The following MBD5 variants were observed in gnomAD, a reference collection of about 807,000 sequenced individuals.
The protein encoded by MBD5 is methyl-CpG-binding domain protein 5.
Under a neutral mutation model 117.3 loss-of-function variants are expected in MBD5, and 13 were observed. That is an observed-to-expected ratio of 0.11 (90% confidence interval 0.07 to 0.18). MBD5 has a LOEUF of 0.18. Among genes scored for constraint, MBD5 ranks in the 10% least tolerant of loss-of-function variants. MBD5 has a pLI of 1.00. For missense variants in MBD5, 1,879 were observed against 2,093.8 expected (o/e 0.90, Z 2.00); for synonymous variants, 727 against 766.4 (o/e 0.95, Z 0.85).
chr2:148,305,305 G>C (rs950679828), intron 3 of MBD5, among the ~76,000 whole-genome samples: 25 of 152,160 alleles, frequency 1.6e-4, no homozygotes, highest in African/African-American at 5.8e-4. Flanking sequence ...AAGGAAAGAA[G>C]AGTCAATCTT....
At chr2:148,475,854 G>A (rs935252891) in intron 8 of MBD5, among the ~76,000 whole-genome samples, 1 of 152,102 alleles carries the variant, frequency 6.6e-6, no homozygotes, top group South Asian at 2.1e-4. Flanking sequence ...TTTCATGCAT[G>A]TAGTACTAAA....
At chr2:148,424,831 A>G (rs1432695717) in intron 4 of MBD5, among the ~76,000 whole-genome samples, 1 of 152,208 alleles carries the variant, frequency 6.6e-6, no homozygotes, top group Non-Finnish European at 1.5e-5. Context: ...GTTCCTTGAA[A>G]CCAATGGGAA....
chr2:148,153,170 A>G (rs1697740402), intron 1 of MBD5, among the ~76,000 whole-genome samples: 1 of 151,302 alleles, frequency 6.6e-6, no homozygotes, highest in East Asian at 2.0e-4. Context: ...GCTTGTCTGT[A>G]AAGTATTTTA....
chr2:148,255,144 C>T (rs542776626), intron 3 of MBD5, among the ~76,000 whole-genome samples: 1 of 152,342 alleles, frequency 6.6e-6, no homozygotes, highest in South Asian at 2.1e-4. Context: ...GTCAAAACGA[C>T]AGAGCAGGCA....
chr2:148,303,433 T>C (rs533665408), intron 3 of MBD5, among the ~76,000 whole-genome samples: 2 of 152,226 alleles, frequency 1.3e-5, no homozygotes, highest in East Asian at 1.9e-4. Flanking sequence ...AGGGGAAGTA[T>C]TGGAGGTTAA....
intron 6 of MBD5, 26 bp from the exon 7 acceptor site, chr2:148,463,713 C>A: frequency 6.2e-7 from 1 of 1,612,166 alleles, no homozygotes; most frequent in Non-Finnish European, 8.5e-7. Context: ...CAGACATATT[C>A]TAAACAAAGG....
intron 4 of MBD5, among the ~76,000 whole-genome samples, chr2:148,421,513 C>T (rs1010535641): frequency 3.3e-5 from 5 of 151,836 alleles, no homozygotes; most frequent in Non-Finnish European, 7.4e-5. Flanking sequence ...TGGGCAGACA[C>T]GAAGCTAGCT....
intron 2 of MBD5, among the ~76,000 whole-genome samples, chr2:148,227,545 C>A (rs1048253857): frequency 1.4e-4 from 21 of 152,110 alleles, no homozygotes; most frequent in African/African-American, 4.6e-4. Context: ...AGTCAGGTAG[C>A]ATGATGCCTC....
At chr2:148,148,804 C>T (rs1697547684) in intron 1 of MBD5, among the ~76,000 whole-genome samples, 1 of 152,084 alleles carries the variant, frequency 6.6e-6, no homozygotes, top group Non-Finnish European at 1.5e-5. Flanking sequence ...CAGAGACAGC[C>T]CCTAATTTAG....
chr2:148,251,916 A>G (rs557994352), intron 3 of MBD5, among the ~76,000 whole-genome samples: 6 of 152,268 alleles, frequency 3.9e-5, no homozygotes, highest in African/African-American at 1.2e-4. Context: ...TATTAGATAA[A>G]TGAGTACATT....
At position 148,477,789 on chromosome 2, in the gene MBD5, A is replaced by T. The variant is rs566812084; in HGVS notation, c.2519-5321A>T. On this transcript the variant is annotated intron_variant, in intron 8 of 13. Transcript: ENST00000642680. ...GTACACTTACCAAAGCAAATGATAAAGGTCAGATGGTGAAGGCATACACAT... is the reference window on the plus strand; with the variant it reads ...GTACACTTACCAAAGCAAATGATAATGGTCAGATGGTGAAGGCATACACAT... Among the ~76,000 whole-genome samples, 11 of 152,296 alleles carry T rather than the reference A, an allele frequency of 7.2e-5. No individual in the cohort carries two copies. The South Asian group carries it at 2.3e-3, about 32-fold the overall frequency.
At position 148,021,391 on chromosome 2, in the gene MBD5, C is replaced by T; in HGVS notation, c.-1218C>T. On this transcript the variant is annotated 5_prime_UTR_variant, in exon 1 of 14. Coordinates refer to ENST00000642680, the MANE Select transcript of MBD5 (RefSeq NM_001378120.1). ...TCGCCTCCCTCCCTCCACCCTCCTC[C>T]TCTTTGGCCGTGAGAGGAGGAGAGA... is the stretch of plus-strand genomic sequence containing the variant. The T allele has an allele frequency of 8.0e-6, 4 of 502,036 alleles. No individual in the cohort carries two copies. Among genetic ancestry groups the T allele is most frequent in the East Asian group, 5.3e-5 (1 of 18,970 alleles). The allele number at this position is 502,036 out of a possible 1,614,324, so 31.1% of individuals were successfully genotyped here. A position where few individuals can be genotyped will look rare whatever the true frequency, so the allele number is the denominator to read the frequency against.
chr2:148,481,628 T>C (rs1224807220), intron 8 of MBD5: 2 of 152,136 alleles, frequency 1.3e-5, no homozygotes, highest in African/African-American at 4.8e-5. Context: ...AGGGAAAGAC[T>C]ATTTACAAAA....
intron 2 of MBD5, among the ~76,000 whole-genome samples, chr2:148,183,858 A>T (rs1015869948): frequency 6.6e-6 from 1 of 152,142 alleles, no homozygotes; most frequent in Non-Finnish European, 1.5e-5. Flanking sequence ...CTGCATTGTC[A>T]TATGTAAAAA....
chr2:148,401,515 T>C (rs531180555), intron 4 of MBD5, among the ~76,000 whole-genome samples: 21 of 152,292 alleles, frequency 1.4e-4, no homozygotes, highest in East Asian at 5.8e-4. Context: ...ATTGCCCTAA[T>C]TTAAAGCAGG....
At chr2:148,370,477 CTATT>C (rs200927183) in intron 4 of MBD5, among the ~76,000 whole-genome samples, 10 of 151,752 alleles carry the variant, frequency 6.6e-5, no homozygotes, top group Non-Finnish European at 1.3e-4. Context: ...GCACGATAGC[CTATT>C]TATTTATTTA....
intron 4 of MBD5, among the ~76,000 whole-genome samples, chr2:148,390,504 T>G (rs559696435): frequency 5.5e-4 from 81 of 148,434 alleles, no homozygotes; most frequent in Non-Finnish European, 9.2e-4. Context: ...TATATATGTG[T>G]GTGTATGTAT....
intron 3 of MBD5, among the ~76,000 whole-genome samples, chr2:148,254,807 C>A (rs114057717): frequency 6.6e-6 from 1 of 152,182 alleles, no homozygotes; most frequent in African/African-American, 2.4e-5. Flanking sequence ...CAGTGTTGCT[C>A]TATGCACTGC....
intron 11 of MBD5, among the ~76,000 whole-genome samples, chr2:148,497,969 A>G (rs755410253): frequency 2.6e-5 from 4 of 152,152 alleles, no homozygotes; most frequent in Admixed American, 1.3e-4. Context: ...CCCATTTTAC[A>G]GATGGGAGAA....
Sources: gnomAD v4.1 joint callset for allele counts (sites outside exome capture counted in the v4.1 genomes callset) on GRCh38, gnomAD v4.1.1 for gene constraint, MANE v1.5 for transcripts, NCBI Gene and HGNC (gene_info 2026-07-23, HGNC 2026-07-21) for gene names.